Variants in OTOGL observed in about 807,000 individuals in gnomAD.
OTOGL encodes otogelin-like protein.
A neutral mutation model predicts 318.5 loss-of-function variants in OTOGL; 285 were observed. The ratio of observed to expected loss-of-function variants is 0.89; its 90% CI spans 0.81 to 0.99. OTOGL has a LOEUF of 0.99. Among genes scored for constraint, OTOGL ranks in the 50% least tolerant of loss-of-function variants. OTOGL has a pLI of 0.00. For synonymous variants in OTOGL, 987 were observed against 936.5 expected (o/e 1.05, Z -0.99); for missense variants, 2,899 against 2,845.6 (o/e 1.02, Z -0.43).
At chr12:80,202,385 C>T (rs1876519250) in intron 1 of OTOGL, among the ~76,000 whole-genome samples, 1 of 151,752 alleles carries the variant, frequency 6.6e-6, no homozygotes, top group South Asian at 2.1e-4. Flanking sequence ...ATTCTCGTGC[C>T]TCAGCCTCCC....
chr12:80,136,242 C>T (rs1871563003), intron 1 of OTOGL, among the ~76,000 whole-genome samples: 2 of 152,154 alleles, frequency 1.3e-5, no homozygotes, highest in South Asian at 4.1e-4. Context: ...CTCACCATTT[C>T]CTCAAAACCA....
In OTOGL at chr12:80,352,455, A is replaced by AATG. The variant is rs2138002343; in HGVS notation, c.5407+21_5407+22insGAT. 7.3e-7 allele frequency: 1 copy of AATG among 1,376,976 alleles called. No homozygotes were observed. The highest frequency in any genetic ancestry group is 9.4e-7 in the Non-Finnish European group (1 of 1,069,116). 85.3% of individuals were successfully genotyped at this position (1,376,976 alleles called of 1,614,324 possible). On this transcript the variant is annotated intron_variant, in intron 45 of 58. Transcript: ENST00000547103. ...TACTGCTGTGAGTAACTGTTAACTGAATATTTTTCCATCATAAATAAATTT... is the reference window on the plus strand; with the variant it reads ...TACTGCTGTGAGTAACTGTTAACTGAATGATATTTTTCCATCATAAATAAATTT...
At chr12:80,137,429 C>T (rs746584542) in intron 1 of OTOGL, among the ~76,000 whole-genome samples, 2 of 152,090 alleles carry the variant, frequency 1.3e-5, no homozygotes, top group Non-Finnish European at 2.9e-5. Context: ...CTAGACAGTA[C>T]TTTGATGAAC....
At chr12:80,200,504 G>A (rs1876381528) in intron 1 of OTOGL, among the ~76,000 whole-genome samples, 1 of 152,160 alleles carries the variant, frequency 6.6e-6, no homozygotes, top group Non-Finnish European at 1.5e-5. Flanking sequence ...TTCAATGATT[G>A]AGAACCCTCA....
intron 1 of OTOGL, among the ~76,000 whole-genome samples, chr12:80,143,786 A>C (rs1276608796): frequency 6.6e-6 from 1 of 152,178 alleles, no homozygotes; most frequent in African/African-American, 2.4e-5. Flanking sequence ...ATGGACAGTA[A>C]ATAATGTGCT....
intron 1 of OTOGL, among the ~76,000 whole-genome samples, chr12:80,145,423 G>A (rs1321658079): frequency 1.3e-5 from 2 of 151,894 alleles, no homozygotes; most frequent in East Asian, 3.8e-4. Flanking sequence ...CTATATCTCT[G>A]TTTTGGTACC....
chr12:80,282,533 A>ATT (rs1177932520), intron 26 of OTOGL, among the ~76,000 whole-genome samples: 1 of 142,512 alleles, frequency 7.0e-6, no homozygotes, highest in Non-Finnish European at 1.5e-5. Context: ...CCTATAGGGT[A>ATT]TTTTTTTTTT....
At chr12:80,363,544 G>GAGAGAGAA (rs1293787396) in intron 52 of OTOGL, among the ~76,000 whole-genome samples, 1 of 424 alleles carries the variant, frequency 2.4e-3, no homozygotes, top group African/African-American at 8.3e-3. Context: ...GGAGTGGGAA[G>GAGAGAGAA]AGAGAGAGAA....
intron 13 of OTOGL, among the ~76,000 whole-genome samples, chr12:80,252,656 T>A (rs1881677222): frequency 1.3e-5 from 2 of 152,164 alleles, no homozygotes; most frequent in African/African-American, 4.8e-5. Context: ...GATAGCTGTT[T>A]CTAAAGAACA....
chr12:80,329,396 A>G (rs1339907493), intron 37 of OTOGL, among the ~76,000 whole-genome samples: 1 of 152,128 alleles, frequency 6.6e-6, no homozygotes, highest in Non-Finnish European at 1.5e-5. Flanking sequence ...TCATTTTCTG[A>G]GTGGCTTCTG....
chr12:80,257,130 G>A (rs1381745289), intron 17 of OTOGL, among the ~76,000 whole-genome samples: 4 of 152,086 alleles, frequency 2.6e-5, no homozygotes, highest in African/African-American at 9.7e-5. Context: ...TCTCAAAAAT[G>A]TCTTGATTTA....
At chr12:80,172,459 G>A (rs1336598787) in intron 1 of OTOGL, among the ~76,000 whole-genome samples, 1 of 152,170 alleles carries the variant, frequency 6.6e-6, no homozygotes, top group African/African-American at 2.4e-5. Flanking sequence ...GTGAAGTTTG[G>A]TAATGTGCGT....
intron 2 of OTOGL, among the ~76,000 whole-genome samples, chr12:80,210,593 C>T (rs1441651101): frequency 6.6e-6 from 1 of 152,028 alleles, no homozygotes; most frequent in Non-Finnish European, 1.5e-5. Context: ...ACTCTGATTC[C>T]AAGGCTAGTG....
intron 1 of OTOGL, among the ~76,000 whole-genome samples, chr12:80,123,483 G>T (rs1041467774): frequency 1.3e-5 from 2 of 152,122 alleles, no homozygotes; most frequent in African/African-American, 4.8e-5. Flanking sequence ...GAATAGTGCT[G>T]CAATAAACAT....
chr12:80,167,269 G>T (rs535037934), intron 1 of OTOGL, among the ~76,000 whole-genome samples: 3 of 152,126 alleles, frequency 2.0e-5, no homozygotes, highest in Non-Finnish European at 4.4e-5. Flanking sequence ...TGGTGGGGAG[G>T]TGGAGATTCT....
intron 9 of OTOGL, among the ~76,000 whole-genome samples, chr12:80,236,894 A>G (rs1879914844): frequency 7.0e-6 from 1 of 143,488 alleles, no homozygotes; most frequent in Non-Finnish European, 1.5e-5. Context: ...GGCTCACTGT[A>G]ACCTCCTCCT....
chr12:80,278,983 TAG>T (rs1884008596), intron 25 of OTOGL, 43 bp from the exon 26 acceptor site: 1 of 1,572,972 alleles, frequency 6.4e-7, no homozygotes, highest in Non-Finnish European at 8.6e-7. Context: ...AATCACTAGT[TAG>T]AGTCGTTTCT....
intron 1 of OTOGL, among the ~76,000 whole-genome samples, chr12:80,135,050 G>A (rs1200630605): frequency 2.6e-5 from 4 of 152,048 alleles, no homozygotes; most frequent in African/African-American, 7.2e-5. Context: ...CTCTGATTCT[G>A]TTTTATTTTT....
chr12:80,306,787 ATTTT>A (rs1886138224), intron 29 of OTOGL, among the ~76,000 whole-genome samples: 25 of 109,306 alleles, frequency 2.3e-4, no homozygotes, highest in African/African-American at 6.5e-4. Context: ...TTTTTTTTAA[ATTTT>A]ATTTTATTAT....
Sources: allele counts gnomAD v4.1 joint callset (sites outside exome capture counted in the v4.1 genomes callset), GRCh38; gene constraint gnomAD v4.1.1; transcripts MANE v1.5; gene names NCBI Gene and HGNC (gene_info 2026-07-23, HGNC 2026-07-21).